The following CD300LF variants were observed in gnomAD, a reference collection of about 807,000 sequenced individuals.
The protein encoded by CD300LF is CMRF35-like molecule 1.
In CD300LF, 27 loss-of-function variants were observed where a neutral mutation model predicts 32.2. The observed-to-expected ratio is 0.84, with a 90% CI of 0.62 to 1.15. The LOEUF (loss-of-function observed/expected upper bound fraction) is 1.15. CD300LF is among the 50% of genes most tolerant of loss of function. The pLI is 0.00. For synonymous variants in CD300LF, 139 were observed against 143.2 expected (o/e 0.97, Z 0.21); for missense variants, 348 against 356.8 (o/e 0.98, Z 0.20).
At chr17:74,708,371 G>A (rs959738051) in intron 1 of CD300LF, among the ~76,000 whole-genome samples, 1 of 152,060 alleles carries the variant, frequency 6.6e-6, no homozygotes, top group Non-Finnish European at 1.5e-5. Flanking sequence ...CTATTTTATA[G>A]ATAATTTTCC....
intron 5 of CD300LF, 144 bp from the exon 6 acceptor site, chr17:74,696,003 TC>T (rs1474157529): frequency 7.9e-7 from 1 of 1,264,772 alleles, no homozygotes; most frequent in Admixed American, 2.3e-5. Flanking sequence ...CTTCTCAGGC[TC>T]CTGTACCCCT....
intron 2 of CD300LF, chr17:74,704,276 G>A (rs376503387): frequency 2.2e-4 from 126 of 585,558 alleles, no homozygotes; most frequent in Admixed American, 5.8e-4. Flanking sequence ...GCTTAATCCC[G>A]TCGTGGAGGG....
chr17:74,695,839 G>A lies in CD300LF; in HGVS notation c.603C>T (p.Gly201=), dbSNP rs750575346. The A allele has an allele frequency of 1.3e-5, 21 of 1,613,946 alleles. No individual in the cohort carries two copies. Among genetic ancestry groups the A allele is most frequent in the South Asian group, 2.2e-5 (2 of 91,050 alleles). Residue 201 remains glycine (G), a synonymous_variant, in exon 6 of 7, where the codon GGC becomes GGT. Transcript: ENST00000326165. Reference sequence around the variant, plus strand: ...GGGTCAGGTCTGCATAGCAGAGGTCGCCCTCCAGGGGCTGCAGTACCTGGG... The same window carrying A: ...GGGTCAGGTCTGCATAGCAGAGGTCACCCTCCAGGGGCTGCAGTACCTGGG... The part of the protein sequence containing the change: ...SPEQVLQPLE[G]DLCYADLTLQ...
At position 74,695,251 on chromosome 17, in the gene CD300LF, C is replaced by A; in HGVS notation, c.718G>T (p.Ala240Ser). Residue 240 changes from alanine (A) to serine (S), a missense_variant and splice_region_variant, in exon 7 of 7, where the codon GCT becomes TCT. Ala to Ser is a moderately conservative substitution (Grantham distance 99, BLOSUM62 1). Coordinates refer to ENST00000326165, the MANE Select transcript of CD300LF (RefSeq NM_139018.5). ...GAAATGTCCTCCTTCGGCAAGGAAG[C>A]CTGCAGCAAAGGCGGGCTCCAGGTC... is the stretch of plus-strand genomic sequence containing the variant. ...DQVEVEYVTM[A>S]SLPKEDISYA... The A allele has an allele frequency of 6.2e-7, 1 of 1,613,822 alleles. No homozygotes were observed. The highest frequency in any genetic ancestry group is 8.5e-7 in the Non-Finnish European group (1 of 1,179,834).
At chr17:74,709,208 G>A (rs1379815207) in intron 1 of CD300LF, among the ~76,000 whole-genome samples, 1 of 151,206 alleles carries the variant, frequency 6.6e-6, no homozygotes, top group Non-Finnish European at 1.5e-5. Context: ...TGGAGACAGA[G>A]CAAGACTGAC....
At chr17:74,707,303 T>C (rs927136111) in intron 1 of CD300LF, among the ~76,000 whole-genome samples, 1 of 152,124 alleles carries the variant, frequency 6.6e-6, no homozygotes, top group South Asian at 2.1e-4. Context: ...AAACAAATAA[T>C]CTAATTAAAA....
At chr17:74,696,690 A>G (rs1043106145) in intron 4 of CD300LF, among the ~76,000 whole-genome samples, 5 of 152,044 alleles carry the variant, frequency 3.3e-5, no homozygotes, top group Non-Finnish European at 5.9e-5. Flanking sequence ...CTGTCTCATC[A>G]TCTTCGTCCT....
chr17:74,705,375 G>A, intron 1 of CD300LF: 1 of 645,678 alleles, frequency 1.5e-6, no homozygotes, highest in East Asian at 2.8e-5. Context: ...TGGTCTCCAT[G>A]TGCTATAGGA....
Position 74,707,193 on chromosome 17 carries a change from C to T in CD300LF, c.44-2377G>A, listed in dbSNP as rs752909945. On this transcript the variant is annotated intron_variant, in intron 1 of 6. Transcript: ENST00000326165. ...AAAGGAAACAACCAAGAGAATGAAG[C>T]GACAACCTACAGAGTGAGAGAAAAT... Among the ~76,000 whole-genome samples the T allele has an allele frequency of 4.6e-5, 7 of 152,208 alleles. No individual in the cohort carries two copies. The Middle Eastern group carries it at 0.01, about 222-fold the overall frequency.
At chr17:74,705,300 A>T in intron 1 of CD300LF, 1 of 693,672 alleles carries the variant, frequency 1.4e-6, no homozygotes, top group South Asian at 1.5e-5. Flanking sequence ...AATGATTTCT[A>T]GTGGTTCTGG....
chr17:74,708,229 A>G (rs778481661), intron 1 of CD300LF, among the ~76,000 whole-genome samples: 1 of 152,114 alleles, frequency 6.6e-6, no homozygotes, highest in Non-Finnish European at 1.5e-5. Context: ...TAAATAGAAA[A>G]CCTGAATCAT....
Position 74,694,959 on chromosome 17 carries a change from G to A in CD300LF, c.*137C>T, listed in dbSNP as rs2032284607. The A allele has an allele frequency of 3.0e-6, 3 of 1,000,708 alleles. No homozygotes were observed. Among genetic ancestry groups the A allele is most frequent in the Non-Finnish European group, 4.4e-6 (3 of 686,356 alleles). 62.0% of individuals were successfully genotyped at this position (1,000,708 alleles called of 1,614,324 possible). On this transcript the variant is annotated 3_prime_UTR_variant, in exon 7 of 7. Transcript: ENST00000326165. ...GACTTGGCCCCAAGCCCAACCCAGAGCTAGGGGCAATGCTGGCTGATCAGG... is the reference window on the plus strand; with the variant it reads ...GACTTGGCCCCAAGCCCAACCCAGAACTAGGGGCAATGCTGGCTGATCAGG...
At position 74,704,524 on chromosome 17, in the gene CD300LF, T is replaced by G. The variant is rs753954023; in HGVS notation, c.336A>C (p.Lys112Asn). ...DADTYWCGIE[K>N]TGNDLGVTVQ... ...CTGTGACCCCAAGGTCATTTCCAGTTTTCTCAATTCCACACCAGTAAGTGT... is the reference window on the plus strand; with the variant it reads ...CTGTGACCCCAAGGTCATTTCCAGTGTTCTCAATTCCACACCAGTAAGTGT... Residue 112 changes from lysine (K) to asparagine (N), a missense_variant, in exon 2 of 7, where the codon AAA (lysine) becomes AAC (asparagine). Coordinates refer to ENST00000326165, the MANE Select transcript of CD300LF (RefSeq NM_139018.5). 36 of 1,614,150 alleles carry G rather than the reference T, an allele frequency of 2.2e-5. No homozygotes were observed. In the Middle Eastern group the frequency reaches 8.2e-4, roughly 37 times the overall value.
chr17:74,695,387 C>G, intron 6 of CD300LF, 136 bp from the exon 7 acceptor site: 1 of 1,053,902 alleles, frequency 9.5e-7, no homozygotes, highest in Non-Finnish European at 1.4e-6. Context: ...CAGCTTCCCC[C>G]TTCACTCTGC....
chr17:74,711,997 T>A (rs1265205587), intron 1 of CD300LF, among the ~76,000 whole-genome samples: 1 of 150,418 alleles, frequency 6.6e-6, no homozygotes, highest in Non-Finnish European at 1.5e-5. Context: ...CTCCAACTCC[T>A]GGGCTCAAGT....
rs2032276532 is a variant in CD300LF at position 74,694,841 on chromosome 17, A to T, written c.*255T>A. 2.7e-6 allele frequency: 1 copy of T among 375,962 alleles called. No individual in the cohort carries two copies. Among genetic ancestry groups the T allele is most frequent in the East Asian group, 4.0e-5 (1 of 25,018 alleles). The allele number at this position is 375,962 out of a possible 1,614,324, so 23.3% of individuals were successfully genotyped here. A position where few individuals can be genotyped will look rare whatever the true frequency, so the allele number is the denominator to read the frequency against. On this transcript the variant is annotated 3_prime_UTR_variant, in exon 7 of 7. Transcript: ENST00000326165. ...TCTCATTATCATCTTCATCATTCCC[A>T]TGAAAGCCCCAGAGCATATCCCTAG...
chr17:74,709,709 G>T (rs897687825), intron 1 of CD300LF, among the ~76,000 whole-genome samples: 2 of 151,852 alleles, frequency 1.3e-5, no homozygotes, highest in Admixed American at 6.6e-5. Flanking sequence ...GGGACGACAG[G>T]ACCACAGGCA....
chr17:74,704,371 C>T, intron 2 of CD300LF, 107 bp downstream of exon 2: 1 of 846,328 alleles, frequency 1.2e-6, no homozygotes, highest in East Asian at 2.5e-5. Flanking sequence ...AGACTCGGGA[C>T]TCAAGTGATA....
intron 3 of CD300LF, among the ~76,000 whole-genome samples, chr17:74,698,845 G>A (rs2384954): frequency 0.96 from 146,513 of 152,306 alleles, 70,720 homozygotes; most frequent in East Asian, 1. Flanking sequence ...AAATCTGTAC[G>A]TGTACCCCTG....
Sources: allele counts gnomAD v4.1 joint callset (sites outside exome capture counted in the v4.1 genomes callset), GRCh38; gene constraint gnomAD v4.1.1; transcripts MANE v1.5; gene names NCBI Gene and HGNC (gene_info 2026-07-23, HGNC 2026-07-21).